Variants in BMPR1B observed in about 807,000 individuals in gnomAD.
BMPR1B encodes bone morphogenetic protein receptor type 1B.
A neutral mutation model predicts 59.1 loss-of-function variants in BMPR1B; 12 were observed. The observed-to-expected ratio is 0.20, with a 90% confidence interval of 0.13 to 0.33. BMPR1B has a LOEUF of 0.33. Ranked by LOEUF, BMPR1B falls within the 10% of genes least tolerant of loss-of-function variation. The pLI, the probability that BMPR1B is intolerant of heterozygous loss-of-function variation, is 1.00. For missense variants in BMPR1B, 550 were observed against 610.9 expected (o/e 0.90, Z 1.05); for synonymous variants, 237 against 207.3 (o/e 1.14, Z -1.23).
At chr4:94,969,686 A>G (rs753559781) in intron 2 of BMPR1B, among the ~76,000 whole-genome samples, 2 of 152,190 alleles carry the variant, frequency 1.3e-5, no homozygotes, top group Non-Finnish European at 2.9e-5. Flanking sequence ...TCACTAATAC[A>G]TACATATTTC....
At chr4:95,052,350 T>C (rs1726566974) in intron 3 of BMPR1B, among the ~76,000 whole-genome samples, 3 of 152,186 alleles carry the variant, frequency 2.0e-5, no homozygotes, top group South Asian at 4.1e-4. Flanking sequence ...ATATAGAAAA[T>C]GTTAAAGCTT....
chr4:95,148,762 T>C lies in BMPR1B; in HGVS notation c.1091T>C (p.Val364Ala), dbSNP rs773874757. The C allele has an allele frequency of 3.7e-6, 6 of 1,613,874 alleles. No homozygotes were observed. Among genetic ancestry groups the C allele is most frequent in the South Asian group, 3.3e-5 (3 of 91,088 alleles). Residue 364 changes from valine (V) to alanine (A), a missense_variant, in exon 11 of 13, where the codon GTT becomes GCT. Around this residue, in one of 6 missense-constraint regions of BMPR1B, gnomAD observed 318 missense variants for 284.6 expected, o/e 1.12. Coordinates refer to ENST00000515059, the MANE Select transcript of BMPR1B (RefSeq NM_001203.3). ...AVKFISDTNE[V>A]DIPPNTRVGT... The stretch of plus-strand genomic sequence containing the variant: ...TTTTTCCTTAGTGATACAAATGAAG[T>C]TGACATACCACCTAACACTCGAGTT...
intron 3 of BMPR1B, among the ~76,000 whole-genome samples, chr4:95,041,890 T>C (rs570933225): frequency 2.4e-4 from 36 of 152,220 alleles, no homozygotes; most frequent in Non-Finnish European, 4.1e-4. Context: ...AGTCTTGCTC[T>C]GTCGCCCAGG....
intron 9 of BMPR1B, 124 bp from the exon 10 acceptor site, chr4:95,131,091 A>T: frequency 1.0e-6 from 1 of 985,598 alleles, no homozygotes; most frequent in Non-Finnish European, 1.5e-6. Flanking sequence ...TCATAGGCAT[A>T]GTCAGGAAAT....
At chr4:94,974,616 T>C (rs931435843) in intron 2 of BMPR1B, among the ~76,000 whole-genome samples, 1 of 152,234 alleles carries the variant, frequency 6.6e-6, no homozygotes, top group Non-Finnish European at 1.5e-5. Flanking sequence ...AAAGCTGTAA[T>C]ACCTGATTAA....
At chr4:95,052,155 G>A (rs1428326728) in intron 3 of BMPR1B, among the ~76,000 whole-genome samples, 1 of 152,044 alleles carries the variant, frequency 6.6e-6, no homozygotes, top group Non-Finnish European at 1.5e-5. Context: ...GATTTTTATA[G>A]GTTAGCTAGT....
intron 3 of BMPR1B, among the ~76,000 whole-genome samples, chr4:95,019,200 A>G (rs1723798889): frequency 6.6e-6 from 1 of 152,206 alleles, no homozygotes; most frequent in Non-Finnish European, 1.5e-5. Context: ...ATATAACTTT[A>G]TCCAGAGAAC....
intron 2 of BMPR1B, among the ~76,000 whole-genome samples, chr4:94,907,938 T>C (rs1728110938): frequency 6.6e-6 from 1 of 150,796 alleles, no homozygotes. Flanking sequence ...TATTCGCAGA[T>C]ATTTGGGAGG....
At chr4:94,975,160 G>A (rs1320995630) in intron 2 of BMPR1B, among the ~76,000 whole-genome samples, 2 of 152,006 alleles carry the variant, frequency 1.3e-5, no homozygotes, top group East Asian at 1.9e-4. Flanking sequence ...GAGTAGGAGG[G>A]GCATGTGTCC....
At chr4:94,839,663 T>C (rs1380193719) in intron 1 of BMPR1B, among the ~76,000 whole-genome samples, 2 of 144,986 alleles carry the variant, frequency 1.4e-5, no homozygotes, top group Admixed American at 6.8e-5. Context: ...TCTCTGCACG[T>C]GAGATGGGTT....
intron 1 of BMPR1B, among the ~76,000 whole-genome samples, chr4:94,762,533 A>G (rs1034321999): frequency 2.0e-5 from 3 of 152,218 alleles, no homozygotes; most frequent in African/African-American, 4.8e-5. Flanking sequence ...CTCACTGGCC[A>G]GGGAGGCTGG....
intron 4 of BMPR1B, among the ~76,000 whole-genome samples, chr4:95,112,701 C>T (rs1253826719): frequency 6.6e-6 from 1 of 152,054 alleles, no homozygotes; most frequent in Non-Finnish European, 1.5e-5. Flanking sequence ...ATATTTTTAG[C>T]TCCTCTCTCT....
At position 95,068,264 on chromosome 4, in the gene BMPR1B, C is replaced by T. The variant is rs553738712; in HGVS notation, c.-17-36144C>T. Among the ~76,000 whole-genome samples the T allele has an allele frequency of 2.0e-5, 3 of 152,228 alleles. No individual in the cohort carries two copies. In the South Asian group the frequency reaches 6.2e-4, roughly 32 times the overall value. On this transcript the variant is annotated intron_variant, in intron 3 of 12. Transcript: ENST00000515059. ...CTCTATCACTTAATGGCAGTTCCAT[C>T]CTTATAGTTAATTAAGACAAAACTA...
At chr4:94,803,767 A>G (rs189968992) in intron 1 of BMPR1B, among the ~76,000 whole-genome samples, 349 of 152,324 alleles carry the variant, frequency 2.3e-3, no homozygotes, top group African/African-American at 7.9e-3. Context: ...TGGTCTTTGC[A>G]TATGCATTTC....
At position 94,851,051 on chromosome 4, in the gene BMPR1B, G is replaced by GTT. The variant is rs34532663; in HGVS notation, c.-182-24772_-182-24771dup. ...TTCTATTTCCACTGGGAATTCTCAG[G>GTT]TTTTTTTTTCTTCCAAATTAGAGAA... On this transcript the variant is annotated intron_variant, in intron 1 of 12. Transcript: ENST00000515059. 3.3e-3 allele frequency among the ~76,000 whole-genome samples: 502 copies of GTT among 151,182 alleles called. 3 individuals are homozygous for GTT. Among genetic ancestry groups the GTT allele is most frequent in the East Asian group, 9.0e-3 (46 of 5,130 alleles).
chr4:94,919,222 A>C (rs750641943), intron 2 of BMPR1B, among the ~76,000 whole-genome samples: 1 of 152,146 alleles, frequency 6.6e-6, no homozygotes, highest in Non-Finnish European at 1.5e-5. Context: ...GCACTGCCTT[A>C]AGTATATTTA....
intron 1 of BMPR1B, among the ~76,000 whole-genome samples, chr4:94,811,093 A>G (rs890370635): frequency 6.6e-6 from 1 of 152,244 alleles, no homozygotes; most frequent in Non-Finnish European, 1.5e-5. Context: ...GGTCATGATA[A>G]CAAGAATATC....
intron 2 of BMPR1B, among the ~76,000 whole-genome samples, chr4:94,888,980 T>G (rs989126279): frequency 3.9e-4 from 59 of 151,912 alleles, no homozygotes; most frequent in African/African-American, 1.4e-3. Context: ...ATATAAAATT[T>G]CAATAGTTTT....
chr4:94,761,451 G>A (rs1487617305), intron 1 of BMPR1B, among the ~76,000 whole-genome samples: 2 of 149,982 alleles, frequency 1.3e-5, no homozygotes, highest in African/African-American at 2.5e-5. Flanking sequence ...GTGTGTGTGT[G>A]TGTGTGTGTG....
Sources: allele counts gnomAD v4.1 joint callset (sites outside exome capture counted in the v4.1 genomes callset), GRCh38; gene constraint gnomAD v4.1.1; regional missense constraint gnomAD v4.1.1; transcripts MANE v1.5; gene names NCBI Gene and HGNC (gene_info 2026-07-23, HGNC 2026-07-21).